Variants in CCDC33 observed in about 807,000 individuals in gnomAD.
CCDC33 encodes the protein coiled-coil domain containing 33, also known as coiled-coil domain-containing protein 33.
CCDC33 carries 94 observed loss-of-function variants against 91.9 expected under a neutral mutation model. The ratio of observed to expected loss-of-function variants is 1.02; its 90% CI spans 0.87 to 1.21. The LOEUF is 1.21. CCDC33 is among the 50% of genes most tolerant of loss of function. CCDC33 has a pLI of 0.00. For synonymous variants in CCDC33, 396 were observed against 374.5 expected (o/e 1.06, Z -0.66); for missense variants, 940 against 935.5 (o/e 1.00, Z -0.06).
intron 11 of CCDC33, among the ~76,000 whole-genome samples, chr15:74,310,991 G>A (rs1024804885): frequency 3.9e-5 from 6 of 152,186 alleles, no homozygotes; most frequent in Non-Finnish European, 7.3e-5. Flanking sequence ...GTGGTTTTCC[G>A]CAACACAGGG....
intron 2 of CCDC33, among the ~76,000 whole-genome samples, chr15:74,219,071 G>A (rs1405350906): frequency 3.9e-5 from 6 of 152,240 alleles, no homozygotes; most frequent in Admixed American, 3.9e-4. Context: ...TGGGGCAAAG[G>A]CCACACAGAG....
At chr15:74,208,674 T>C in intron 1 of CCDC33, 1 of 981,140 alleles carries the variant, frequency 1.0e-6, no homozygotes, top group Non-Finnish European at 1.2e-6. Flanking sequence ...AGCCCATCAC[T>C]CTGCTCACTT....
chr15:74,330,838 C>T (rs1418640352), intron 13 of CCDC33, 87 bp downstream of exon 13: 3 of 1,510,416 alleles, frequency 2.0e-6, no homozygotes, highest in Middle Eastern at 1.7e-4. Context: ...GAAGGGAGAA[C>T]AGGCACAGAG....
At chr15:74,319,625 G>C (rs1459703996) in intron 11 of CCDC33, 1 of 152,336 alleles carries the variant, frequency 6.6e-6, no homozygotes, top group Non-Finnish European at 1.5e-5. Context: ...GATAGCCCGG[G>C]GGTCTTCCTG....
In CCDC33 at chr15:74,333,972, G is replaced by A; in HGVS notation, c.2025+5G>A. 6.2e-7 allele frequency: 1 copy of A among 1,612,750 alleles called. No homozygotes were observed. The highest frequency in any genetic ancestry group is 8.5e-7 in the Non-Finnish European group (1 of 1,179,086). ...ATCCTGTCCCTGGAAAGCCAGGTGGGTGAGATGCAGGAGTTGATGAGGCTG... is the reference window on the plus strand; with the variant it reads ...ATCCTGTCCCTGGAAAGCCAGGTGGATGAGATGCAGGAGTTGATGAGGCTG... On this transcript the variant is annotated splice_donor_5th_base_variant and intron_variant, in intron 17 of 18. Coordinates refer to ENST00000398814, the MANE Select transcript of CCDC33 (RefSeq NM_025055.5).
chr15:74,298,901 C>T (rs572891432), intron 11 of CCDC33, among the ~76,000 whole-genome samples: 3 of 151,900 alleles, frequency 2.0e-5, no homozygotes, highest in Admixed American at 2.0e-4. Flanking sequence ...TTAGTAGAGA[C>T]GGGCTTTCAC....
At chr15:74,321,953 G>A (rs766037912) in intron 11 of CCDC33, among the ~76,000 whole-genome samples, 3 of 152,128 alleles carry the variant, frequency 2.0e-5, no homozygotes, top group Admixed American at 1.3e-4. Flanking sequence ...TGGTGTAGGC[G>A]AGAAACAGCT....
chr15:74,203,023 A>G (rs2074157402), exon 1 of CCDC33: 2 of 985,714 alleles, frequency 2.0e-6, no homozygotes, highest in Non-Finnish European at 2.4e-6. Context: ...CGCCTGCCCC[A>G]GAGCTCCCAA....
chr15:74,250,762 G>T (rs907635062), intron 2 of CCDC33, among the ~76,000 whole-genome samples: 1 of 152,158 alleles, frequency 6.6e-6, no homozygotes, highest in Non-Finnish European at 1.5e-5. Context: ...CTAAATAATC[G>T]TCGAATGAAT....
At chr15:74,285,585 T>C (rs351204) in intron 10 of CCDC33, among the ~76,000 whole-genome samples, 105,197 of 151,474 alleles carry the variant, frequency 0.69, 38,274 homozygotes, top group Non-Finnish European at 0.83. Context: ...CAGGGCGACC[T>C]CAGCAAGCCT....
rs768834892 is a variant in CCDC33 at position 74,266,768 on chromosome 15, A to G, written c.410A>G (p.Tyr137Cys). The G allele has an allele frequency of 6.2e-7, 1 of 1,613,848 alleles. No individual in the cohort carries two copies. The highest frequency in any genetic ancestry group is 8.5e-7 in the Non-Finnish European group (1 of 1,179,760). The change falls in exon 4 of 19, where the codon TAC becomes TGC. Residue 137 changes from tyrosine to cysteine, a missense_variant. Coordinates refer to ENST00000398814, the MANE Select transcript of CCDC33 (RefSeq NM_025055.5). ...PIKYLRVFHPYHFELVKPTES... is the reference protein window; with the variant it reads ...PIKYLRVFHPCHFELVKPTES... ...AAGTACCTGCGTGTCTTCCACCCCT[A>G]CCACTTTGAGCTGGTGAAGGTGAGT... is the stretch of plus-strand genomic sequence containing the variant.
At chr15:74,305,692 A>G (rs1263006937) in intron 11 of CCDC33, among the ~76,000 whole-genome samples, 1 of 152,130 alleles carries the variant, frequency 6.6e-6, no homozygotes, top group Non-Finnish European at 1.5e-5. Context: ...CTACTCATTC[A>G]TTCATTTCTG....
intron 1 of CCDC33, among the ~76,000 whole-genome samples, chr15:74,237,212 T>C (rs917984943): frequency 6.6e-6 from 1 of 152,204 alleles, no homozygotes; most frequent in Admixed American, 6.5e-5. Context: ...AGAGAAGGGA[T>C]TTTTGTGTGT....
At chr15:74,266,287 A>AGGGAAAGAGTCTTATTCC (rs2076164071) in intron 3 of CCDC33, among the ~76,000 whole-genome samples, 1 of 152,180 alleles carries the variant, frequency 6.6e-6, no homozygotes, top group Non-Finnish European at 1.5e-5. Flanking sequence ...TTTGTGACCA[A>AGGGAAAGAGTCTTATTCC]GGGAAAGAGT....
intron 11 of CCDC33, among the ~76,000 whole-genome samples, chr15:74,325,002 T>A (rs947086346): frequency 1.3e-4 from 13 of 103,182 alleles, no homozygotes; most frequent in African/African-American, 4.5e-4. Flanking sequence ...ATGCACCTCC[T>A]CCACCCAAAG....
intron 6 of CCDC33, 127 bp from the exon 7 acceptor site, chr15:74,272,644 C>A: frequency 7.9e-7 from 1 of 1,273,468 alleles, no homozygotes; most frequent in African/African-American, 1.5e-5. Context: ...GAGGTCCAGG[C>A]CCGAACTCGG....
At chr15:74,333,396 A>T in intron 16 of CCDC33, 1 of 1,082,604 alleles carries the variant, frequency 9.2e-7, no homozygotes, top group Non-Finnish European at 1.4e-6. Context: ...CCCTTGCTTT[A>T]CATAAACCCC....
chr15:74,222,304 C>T (rs573589689), intron 2 of CCDC33, among the ~76,000 whole-genome samples: 15 of 152,110 alleles, frequency 9.9e-5, no homozygotes, highest in Non-Finnish European at 2.1e-4. Context: ...TTTTAAGGTT[C>T]CTTGTTTGTA....
In CCDC33 at chr15:74,316,398, C is replaced by T. The variant is rs931202817; in HGVS notation, c.1291-13791C>T. 6.6e-6 allele frequency among the ~76,000 whole-genome samples: 1 copy of T among 152,240 alleles called. No individual in the cohort carries two copies. Among genetic ancestry groups the T allele is most frequent in the Non-Finnish European group, 1.5e-5 (1 of 68,036 alleles). ...ATTATTGATGGGGCTTCTAATTGTG[C>T]GTTTCCCAAAGTCTACAGGCTTTTG... is the stretch of plus-strand genomic sequence containing the variant. On this transcript the variant is annotated intron_variant, in intron 11 of 18. Coordinates refer to ENST00000398814, the MANE Select transcript of CCDC33 (RefSeq NM_025055.5). This position sits in a 1 kb window ranked among gnomAD's most constrained non-coding sequence, Gnocchi z 4.7.
Sources: allele counts gnomAD v4.1 joint callset (sites outside exome capture counted in the v4.1 genomes callset), GRCh38; gene constraint gnomAD v4.1.1; non-coding constraint Gnocchi (gnomAD v3.1); transcripts MANE v1.5; gene names NCBI Gene and HGNC (gene_info 2026-07-23, HGNC 2026-07-21).